Variants in RNF113B observed in about 807,000 individuals in gnomAD.
RNF113B encodes the protein zinc finger protein 183-like 1.
In RNF113B, 12 loss-of-function variants were observed where a neutral mutation model predicts 22.2. That is an observed-to-expected ratio of 0.54 (90% CI 0.35 to 0.87). RNF113B has a LOEUF of 0.87. Ranked by LOEUF, RNF113B falls within the 40% of genes least tolerant of loss-of-function variation. RNF113B has a pLI of 0.01. For synonymous variants in RNF113B, 194 were observed against 184.6 expected (o/e 1.05, Z -0.41); for missense variants, 442 against 455.4 (o/e 0.97, Z 0.27).
chr13:98,176,147 C>T lies in RNF113B; in HGVS notation c.*16G>A, dbSNP rs1878001441. 1.2e-6 allele frequency: 2 copies of T among 1,604,428 alleles called. No individual in the cohort carries two copies. The highest frequency in any genetic ancestry group is 2.2e-5 in the South Asian group (2 of 90,446). On this transcript the variant is annotated 3_prime_UTR_variant, in exon 2 of 2. Coordinates refer to ENST00000267291, the MANE Select transcript of RNF113B (RefSeq NM_178861.5). This position sits in a 1 kb window ranked among gnomAD's most constrained non-coding sequence, Gnocchi z 6.2. ...AGGCTGCTTCTCCCCAGTGTACATA[C>T]AGACTTGAGTCTTTCTTATCTCTTT...
Position 98,176,977 on chromosome 13 carries a change from G to A in RNF113B, c.260C>T (p.Pro87Leu), listed in dbSNP as rs1878109074. ...CCTGTACACCACGTCGAGGCTCTCA[G>A]GCGCCGCCTCCTCGCCCCTCCTGTC... Reference protein sequence around the residue: ...HGDRRGEEAAPESLDVVYRST... With the variant: ...HGDRRGEEAALESLDVVYRST... Residue 87 changes from proline to leucine, a missense_variant, in exon 1 of 2, where the codon CCT (proline) becomes CTT (leucine). Pro to Leu is a moderately conservative substitution (Grantham distance 98, BLOSUM62 -3). Coordinates refer to ENST00000267291, the MANE Select transcript of RNF113B (RefSeq NM_178861.5). This position sits in a 1 kb window ranked among gnomAD's most constrained non-coding sequence, Gnocchi z 6.2. 24 of 1,600,172 alleles carry A rather than the reference G, an allele frequency of 1.5e-5. No homozygotes were observed. The highest frequency in any genetic ancestry group is 2.0e-5 in the Non-Finnish European group (24 of 1,179,716).
chr13:98,176,094 G>A lies in RNF113B; in HGVS notation c.*69C>T. On this transcript the variant is annotated 3_prime_UTR_variant, in exon 2 of 2. Coordinates refer to ENST00000267291, the MANE Select transcript of RNF113B (RefSeq NM_178861.5). This position sits in a 1 kb window ranked among gnomAD's most constrained non-coding sequence, Gnocchi z 6.2. ...ATACTCAGGCATGGGATTGCAGGAA[G>A]ACTGTCATCTCTCTCATCTTACTCA... 1 of 1,338,824 alleles carries A rather than the reference G, an allele frequency of 7.5e-7. No homozygotes were observed. The highest frequency in any genetic ancestry group is 1.2e-5 in the South Asian group (1 of 81,448). 82.9% of individuals were successfully genotyped at this position (1,338,824 alleles called of 1,614,324 possible).
rs1878054990 is a variant in RNF113B at position 98,176,579 on chromosome 13, A to G, written c.658T>C (p.Tyr220His). 1.2e-6 allele frequency: 2 copies of G among 1,614,212 alleles called. No homozygotes were observed. The highest frequency in any genetic ancestry group is 3.3e-5 in the Admixed American group (2 of 60,028). Residue 220 changes from tyrosine (Y) to histidine (H), a missense_variant, in exon 1 of 2, where the codon TAC becomes CAC. Transcript: ENST00000267291. This position sits in a 1 kb window ranked among gnomAD's most constrained non-coding sequence, Gnocchi z 6.2. ...CGTTCAATCTCCCACCCGAGCTTGT[A>G]ATCGGAACGGTCGTGGAGGAATTTG... is the stretch of plus-strand genomic sequence containing the variant. Reference protein sequence around the residue: ...SCKFLHDRSDYKLGWEIEREL... With the variant: ...SCKFLHDRSDHKLGWEIEREL...
Position 98,177,090 on chromosome 13 carries a change from G to C in RNF113B, c.147C>G (p.Ser49Arg). The C allele has an allele frequency of 3.8e-6, 6 of 1,598,906 alleles. No individual in the cohort carries two copies. Among genetic ancestry groups the C allele is most frequent in the Middle Eastern group, 1.8e-4 (1 of 5,510 alleles). The change falls in exon 1 of 2, where the codon AGC (serine) becomes AGG (arginine). Residue 49 changes from serine to arginine, a missense_variant. By Grantham distance (110) the Ser-to-Arg change is moderately radical. Coordinates refer to ENST00000267291, the MANE Select transcript of RNF113B (RefSeq NM_178861.5). Reference sequence around the variant, plus strand: ...GAGCCACTGTGTCGCCCTCGTCCCCGCTGCTGCTGCTCTCTCCGTGCTCGG... The same window carrying C: ...GAGCCACTGTGTCGCCCTCGTCCCCCCTGCTGCTGCTCTCTCCGTGCTCGG... ...CDPEHGESSS[S>R]GDEGDTVAQP...
chr13:98,176,374 G>C lies in RNF113B; in HGVS notation c.863C>G (p.Pro288Arg), dbSNP rs540958770. Residue 288 changes from proline (P) to arginine (R), a missense_variant, in exon 1 of 2, where the codon CCG (proline) becomes CGG (arginine). Coordinates refer to ENST00000267291, the MANE Select transcript of RNF113B (RefSeq NM_178861.5). This position sits in a 1 kb window ranked among gnomAD's most constrained non-coding sequence, Gnocchi z 6.2. ...TGGCTGGTCACAGATGTAGCAGCGC[G>C]GGGTGGCCCGGAAGTGCTCCAGCGC... Reference protein sequence around the residue: ...SCALEHFRATPRCYICDQPTG... With the variant: ...SCALEHFRATRRCYICDQPTG... 12 of 1,614,200 alleles carry C rather than the reference G, an allele frequency of 7.4e-6. No individual in the cohort carries two copies. The highest frequency in any genetic ancestry group is 4.0e-5 in the African/African-American group (3 of 75,060).
At position 98,176,917 on chromosome 13, in the gene RNF113B, T is replaced by C; in HGVS notation, c.320A>G (p.Asp107Gly). The C allele has an allele frequency of 6.2e-7, 1 of 1,605,122 alleles. No individual in the cohort carries two copies. The highest frequency in any genetic ancestry group is 8.5e-7 in the Non-Finnish European group (1 of 1,179,898). The change falls in exon 1 of 2, where the codon GAC becomes GGC. Residue 107 changes from aspartate to glycine, a missense_variant. Coordinates refer to ENST00000267291, the MANE Select transcript of RNF113B (RefSeq NM_178861.5). This position sits in a 1 kb window ranked among gnomAD's most constrained non-coding sequence, Gnocchi z 6.2. The part of the protein sequence containing the change: ...TRSAKPVGPE[D>G]MGATADFEQD... ...CTCGAAGTCAGCGGTGGCCCCCATG[T>C]CCTCTGGCCCCACAGGCTTCGCCGA...
At position 98,176,368 on chromosome 13, in the gene RNF113B, C is replaced by T; in HGVS notation, c.869G>A (p.Cys290Tyr). Reference protein sequence around the residue: ...ALEHFRATPRCYICDQPTGGI... With the variant: ...ALEHFRATPRYYICDQPTGGI... ...GCCGGTTGGCTGGTCACAGATGTAG[C>T]AGCGCGGGGTGGCCCGGAAGTGCTC... Residue 290 changes from cysteine to tyrosine, a missense_variant, in exon 1 of 2, where the codon TGC (cysteine) becomes TAC (tyrosine). By Grantham distance (194) the Cys-to-Tyr change is radical. Coordinates refer to ENST00000267291, the MANE Select transcript of RNF113B (RefSeq NM_178861.5). This position sits in a 1 kb window ranked among gnomAD's most constrained non-coding sequence, Gnocchi z 6.2. 6.2e-7 allele frequency: 1 copy of T among 1,614,240 alleles called. No homozygotes were observed. The highest frequency in any genetic ancestry group is 8.5e-7 in the Non-Finnish European group (1 of 1,180,040).
In RNF113B at chr13:98,176,462, A is replaced by C. The variant is rs766335721; in HGVS notation, c.775T>G (p.Cys259Gly). 6.2e-7 allele frequency: 1 copy of C among 1,614,250 alleles called. No homozygotes were observed. Among genetic ancestry groups the C allele is most frequent in the Admixed American group, 1.7e-5 (1 of 60,028 alleles). ...ACTGGGTTTTGGAAGGCCTGGCGAC[A>C]TATGAAACACCTGAATGGTATTTCC... ...EEEIPFRCFI[C>G]RQAFQNPVVT... The change falls in exon 1 of 2, where the codon TGT becomes GGT. Residue 259 changes from cysteine to glycine, a missense_variant. Coordinates refer to ENST00000267291, the MANE Select transcript of RNF113B (RefSeq NM_178861.5). The surrounding 1 kb of genome is among the most constrained non-coding windows in gnomAD (Gnocchi z 6.2).
Position 98,176,967 on chromosome 13 carries a change from G to C in RNF113B, c.270C>G (p.Leu90=). The C allele has an allele frequency of 6.2e-7, 1 of 1,600,844 alleles. No homozygotes were observed. Among genetic ancestry groups the C allele is most frequent in the Non-Finnish European group, 8.5e-7 (1 of 1,179,844 alleles). ...AGCGGGTGGACCTGTACACCACGTC[G>C]AGGCTCTCAGGCGCCGCCTCCTCGC... ...RRGEEAAPES[L]DVVYRSTRSA... is the part of the protein sequence containing the mutation. Residue 90 remains leucine, a synonymous_variant, in exon 1 of 2, where the codon CTC becomes CTG. Transcript: ENST00000267291. This position sits in a 1 kb window ranked among gnomAD's most constrained non-coding sequence, Gnocchi z 6.2.
At position 98,177,091 on chromosome 13, in the gene RNF113B, C is replaced by T. The variant is rs1346036838; in HGVS notation, c.146G>A (p.Ser49Asn). 3 of 1,599,292 alleles carry T rather than the reference C, an allele frequency of 1.9e-6. No individual in the cohort carries two copies. The highest frequency in any genetic ancestry group is 3.3e-5 in the Admixed American group (2 of 59,910). ...CDPEHGESSS[S>N]GDEGDTVAQP... ...AGCCACTGTGTCGCCCTCGTCCCCG[C>T]TGCTGCTGCTCTCTCCGTGCTCGGG... Residue 49 changes from serine (S) to asparagine (N), a missense_variant, in exon 1 of 2, where the codon AGC becomes AAC. Transcript: ENST00000267291.
Position 98,176,996 on chromosome 13 carries a change from TCCTGTCG to T in RNF113B, c.234_240del (p.Asp79GlyfsTer74). On this transcript the variant is annotated frameshift_variant, in exon 1 of 2. Coordinates refer to ENST00000267291, the MANE Select transcript of RNF113B (RefSeq NM_178861.5). LOFTEE classifies it high-confidence loss of function. The surrounding 1 kb of genome is among the most constrained non-coding windows in gnomAD (Gnocchi z 6.2). ...CTCTCAGGCGCCGCCTCCTCGCCCC[TCCTGTCG>T]CCGTGAGCCGCCTTCTGCCAGCTGT... The T allele has an allele frequency of 6.3e-7, 1 of 1,598,232 alleles. No individual in the cohort carries two copies. The highest frequency in any genetic ancestry group is 2.2e-5 in the East Asian group (1 of 44,768).
In RNF113B at chr13:98,177,053, C is replaced by T. The variant is rs1878120612; in HGVS notation, c.184G>A (p.Val62Met). The T allele has an allele frequency of 6.3e-7, 1 of 1,594,348 alleles. No homozygotes were observed. The highest frequency in any genetic ancestry group is 2.2e-5 in the East Asian group (1 of 44,624). ...EGDTVAQPPR[V>M]APRPRGLHSW... ...TGGAGGCCCCGGGGCCTCGGTGCCA[C>T]CCGCGGGGGCTGAGCCACTGTGTCG... Residue 62 changes from valine to methionine, a missense_variant, in exon 1 of 2, where the codon GTG becomes ATG. Val to Met is a conservative substitution (Grantham distance 21, BLOSUM62 1). Transcript: ENST00000267291.
chr13:98,176,026 G>A lies in RNF113B; in HGVS notation c.*137C>T. The A allele has an allele frequency of 1.3e-6, 1 of 795,534 alleles. No individual in the cohort carries two copies. The highest frequency in any genetic ancestry group is 2.1e-6 in the Non-Finnish European group (1 of 479,030). The allele number at this position is 795,534 out of a possible 1,614,324, so 49.3% of individuals were successfully genotyped here. On this transcript the variant is annotated 3_prime_UTR_variant, in exon 2 of 2. Coordinates refer to ENST00000267291, the MANE Select transcript of RNF113B (RefSeq NM_178861.5). This position sits in a 1 kb window ranked among gnomAD's most constrained non-coding sequence, Gnocchi z 6.2. ...ATAATTCTGCAGTGAACATGGGAGT[G>A]CACATACCTCTTTGAGATCCGGATT...
chr13:98,176,512 T>C lies in RNF113B; in HGVS notation c.725A>G (p.Asn242Ser). Residue 242 changes from asparagine (N) to serine (S), a missense_variant, in exon 1 of 2, where the codon AAC (asparagine) becomes AGC (serine). By Grantham distance (46) the Asn-to-Ser change is conservative. Coordinates refer to ENST00000267291, the MANE Select transcript of RNF113B (RefSeq NM_178861.5). The surrounding 1 kb of genome is among the most constrained non-coding windows in gnomAD (Gnocchi z 6.2). The stretch of plus-strand genomic sequence containing the variant: ...CTCTTCCTCGCTTCCCACTTCATGG[T>C]TTTCGTCCTCGCAGATACAGTAGCG... ...EGRYCICEDE[N>S]HEVGSEEEEI... 6.2e-7 allele frequency: 1 copy of C among 1,614,098 alleles called. No individual in the cohort carries two copies. The highest frequency in any genetic ancestry group is 8.5e-7 in the Non-Finnish European group (1 of 1,180,014).
Position 98,176,697 on chromosome 13 carries a change from T to G in RNF113B, c.540A>C (p.Pro180=). 3 of 1,614,188 alleles carry G rather than the reference T, an allele frequency of 1.9e-6. No homozygotes were observed. The highest frequency in any genetic ancestry group is 2.5e-6 in the Non-Finnish European group (3 of 1,180,020). The change falls in exon 1 of 2, where the codon CCA becomes CCC. Residue 180 remains proline, a synonymous_variant. Coordinates refer to ENST00000267291, the MANE Select transcript of RNF113B (RefSeq NM_178861.5). The surrounding 1 kb of genome is among the most constrained non-coding windows in gnomAD (Gnocchi z 6.2). ...GMARKGPIRA[P]GHLRATVRWD... ...AGCGCACAGTGGCGCGCAGATGCCC[T>G]GGCGCACGTATGGGGCCCTTCCTCG...
In RNF113B at chr13:98,176,718, C is replaced by G. The variant is rs1158101539; in HGVS notation, c.519G>C (p.Arg173Ser). 5 of 1,614,066 alleles carry G rather than the reference C, an allele frequency of 3.1e-6. No individual in the cohort carries two copies. In the Admixed American group the frequency reaches 6.7e-5, roughly 22 times the overall value. ...SMGNSSSGMA[R>S]KGPIRAPGHL... ...GCCCTGGCGCACGTATGGGGCCCTT[C>G]CTCGCCATCCCCGAGGAGGAGTTGC... Residue 173 changes from arginine (R) to serine (S), a missense_variant, in exon 1 of 2, where the codon AGG (arginine) becomes AGC (serine). Coordinates refer to ENST00000267291, the MANE Select transcript of RNF113B (RefSeq NM_178861.5). This position sits in a 1 kb window ranked among gnomAD's most constrained non-coding sequence, Gnocchi z 6.2.
rs761529542 is a variant in RNF113B at position 98,176,571 on chromosome 13, G to A, written c.666C>T (p.Leu222=). The part of the protein sequence containing the change: ...KFLHDRSDYK[L]GWEIERELEE... ...CAAGCTCCCGTTCAATCTCCCACCCGAGCTTGTAATCGGAACGGTCGTGGA... is the reference window on the plus strand; with the variant it reads ...CAAGCTCCCGTTCAATCTCCCACCCAAGCTTGTAATCGGAACGGTCGTGGA... Residue 222 remains leucine, a synonymous_variant, in exon 1 of 2, where the codon CTC becomes CTT. Transcript: ENST00000267291. The surrounding 1 kb of genome is among the most constrained non-coding windows in gnomAD (Gnocchi z 6.2). 3 of 1,614,056 alleles carry A rather than the reference G, an allele frequency of 1.9e-6. No homozygotes were observed. The highest frequency in any genetic ancestry group is 2.7e-5 in the African/African-American group (2 of 74,928).
Position 98,176,042 on chromosome 13 carries a change from G to T in RNF113B, c.*121C>A. 1.1e-6 allele frequency: 1 copy of T among 921,960 alleles called. No homozygotes were observed. Among genetic ancestry groups the T allele is most frequent in the Non-Finnish European group, 1.7e-6 (1 of 584,536 alleles). 57.1% of individuals were successfully genotyped at this position (921,960 alleles called of 1,614,324 possible). A position where few individuals can be genotyped will look rare whatever the true frequency, so the allele number is the denominator to read the frequency against. On this transcript the variant is annotated 3_prime_UTR_variant, in exon 2 of 2. Coordinates refer to ENST00000267291, the MANE Select transcript of RNF113B (RefSeq NM_178861.5). The surrounding 1 kb of genome is among the most constrained non-coding windows in gnomAD (Gnocchi z 6.2). ...CATGGGAGTGCACATACCTCTTTGA[G>T]ATCCGGATTTCAATTCTTTTGGTTA...
rs1302665703 is a variant in RNF113B, at chr13:98,176,834, G to C, written c.403C>G (p.Gln135Glu). 5.6e-6 allele frequency: 9 copies of C among 1,612,290 alleles called. No individual in the cohort carries two copies. Among genetic ancestry groups the C allele is most frequent in the Non-Finnish European group, 7.6e-6 (9 of 1,179,984 alleles). ...PTILKCSQRV[Q>E]EALRGREHDH... is the part of the protein sequence containing the mutation. ...TGCTCCCGACCCCGCAGTGCCTCCT[G>C]GACCCGCTGGCTGCACTTGAGGATG... The change falls in exon 1 of 2, where the codon CAG becomes GAG. Residue 135 changes from glutamine to glutamate, a missense_variant. By Grantham distance (29) the Gln-to-Glu change is conservative. Transcript: ENST00000267291. The surrounding 1 kb of genome is among the most constrained non-coding windows in gnomAD (Gnocchi z 6.2).
Sources: allele counts gnomAD v4.1 joint callset, GRCh38; gene constraint gnomAD v4.1.1; non-coding constraint Gnocchi (gnomAD v3.1); transcripts MANE v1.5; gene names NCBI Gene and HGNC (gene_info 2026-07-23, HGNC 2026-07-21).